UVRAG: variants seen among roughly 807,000 people sequenced by gnomAD.
UVRAG encodes UV radiation resistance-associated gene protein.
A neutral mutation model predicts 78.0 loss-of-function variants in UVRAG; 19 were observed. The ratio of observed to expected loss-of-function variants is 0.24; its 90% CI spans 0.17 to 0.36. The LOEUF is 0.36. UVRAG is among the 10% of genes least tolerant of loss of function. The pLI is 1.00. For synonymous variants in UVRAG, 323 were observed against 324.6 expected, an observed-to-expected ratio of 1.00 and a Z score of 0.05; for missense variants, 740 against 853.8, an observed-to-expected ratio of 0.87 and a Z score of 1.66.
intron 14 of UVRAG, among the ~76,000 whole-genome samples, chr11:76,117,237 A>G (rs1447479322): frequency 6.6e-6 from 1 of 152,236 alleles, no homozygotes. Flanking sequence ...TTCTAACACA[A>G]TGGTAAATAA....
At position 75,983,367 on chromosome 11, in the gene UVRAG, CTG is replaced by C; in HGVS notation, c.700-17_700-16del. 1 of 1,553,170 alleles carries C rather than the reference CTG, an allele frequency of 6.4e-7. No homozygotes were observed. Among genetic ancestry groups the C allele is most frequent in the Non-Finnish European group, 8.7e-7 (1 of 1,143,048 alleles). On this transcript the variant is annotated intron_variant, in intron 7 of 14. Transcript: ENST00000356136. ...ATGACATTTATATTCATAAATATAC[CTG>C]TGATTTTATTTATTTAGAAAAAAAA...
intron 6 of UVRAG, among the ~76,000 whole-genome samples, chr11:75,931,614 C>A (rs1948242603): frequency 6.6e-6 from 1 of 152,100 alleles, no homozygotes; most frequent in African/African-American, 2.4e-5. Context: ...CCAGTCACAG[C>A]CCTTAGTAAT....
intron 3 of UVRAG, among the ~76,000 whole-genome samples, chr11:75,868,366 A>C (rs578219056): frequency 6.6e-6 from 1 of 152,340 alleles, no homozygotes; most frequent in East Asian, 1.9e-4. Context: ...TAGGCACATA[A>C]GACAGAGAGA....
At chr11:75,829,467 G>A (rs1751729228) in intron 1 of UVRAG, among the ~76,000 whole-genome samples, 1 of 152,124 alleles carries the variant, frequency 6.6e-6, no homozygotes. Context: ...CATTTTGTTT[G>A]GCTTCTTAAA....
chr11:76,125,900 T>C (rs886259205), intron 14 of UVRAG, among the ~76,000 whole-genome samples: 2 of 151,974 alleles, frequency 1.3e-5, no homozygotes, highest in South Asian at 4.2e-4. Flanking sequence ...CACTTTTCAA[T>C]AGAAATATAA....
rs1491521163 is a variant in UVRAG, at chr11:76,003,288, T to TTTTTTTTTTTTTTG, written c.827-717_827-716insTTTTTTTTTTTTTG. Among the ~76,000 whole-genome samples, 6 of 62,548 alleles carry TTTTTTTTTTTTTTG rather than the reference T, an allele frequency of 9.6e-5. 1 individual carries two copies. The highest frequency in any genetic ancestry group is 3.6e-4 in the African/African-American group (6 of 16,494). 41.0% of individuals were successfully genotyped at this position (62,548 alleles called of 152,430 possible). A position where few individuals can be genotyped will look rare whatever the true frequency, so the allele number is the denominator to read the frequency against. Reference sequence around the variant, plus strand: ...TTTTTTTTTTTTTTTTTTTTTTTTTTGGAGACAGAGTCTCGTTCTCTTGCC... The same window carrying TTTTTTTTTTTTTTG: ...TTTTTTTTTTTTTTTTTTTTTTTTTTTTTTTTTTTTTTTGGGAGACAGAGTCTCGTTCTCTTGCC... On this transcript the variant is annotated intron_variant, in intron 8 of 14. Coordinates refer to ENST00000356136, the MANE Select transcript of UVRAG (RefSeq NM_003369.4).
chr11:75,834,903 C>T lies in UVRAG; in HGVS notation c.118-16980C>T, dbSNP rs1274833283. ...ATGTTGCCCAGCCTGGTCTGGAACTCCTGGCCTCAAGATATCTTCCCTCCT... is the reference window on the plus strand; with the variant it reads ...ATGTTGCCCAGCCTGGTCTGGAACTTCTGGCCTCAAGATATCTTCCCTCCT... On this transcript the variant is annotated intron_variant, in intron 1 of 14. Transcript: ENST00000356136. Among the ~76,000 whole-genome samples, 6 of 152,172 alleles carry T rather than the reference C, an allele frequency of 3.9e-5. No homozygotes were observed. In the South Asian group the frequency reaches 8.3e-4, roughly 21 times the overall value.
rs4945030 is a variant in UVRAG at position 76,139,939 on chromosome 11, A to G, written c.1398-772A>G. ...TTGCAGACCAAGTATTGTAAAACAT[A>G]TGTGTGGCTAGCCCCATCAAAGAAT... On this transcript the variant is annotated intron_variant, in intron 14 of 14. Coordinates refer to ENST00000356136, the MANE Select transcript of UVRAG (RefSeq NM_003369.4). Among the ~76,000 whole-genome samples, 704 of 151,752 alleles carry G rather than the reference A, an allele frequency of 4.6e-3. 17 individuals carry two copies. Among genetic ancestry groups the G allele is most frequent in the Admixed American group, 0.037 (571 of 15,248 alleles).
intron 7 of UVRAG, among the ~76,000 whole-genome samples, chr11:75,972,641 C>G (rs1456288509): frequency 2.0e-5 from 3 of 152,154 alleles, no homozygotes; most frequent in Non-Finnish European, 4.4e-5. Context: ...CCCATACCAC[C>G]CTGTCTTGAT....
chr11:75,822,984 T>C (rs1384050978), intron 1 of UVRAG, among the ~76,000 whole-genome samples: 2 of 152,100 alleles, frequency 1.3e-5, no homozygotes, highest in African/African-American at 4.8e-5. Context: ...CCATTCTCCT[T>C]CTAGGAGCTC....
At chr11:76,104,512 C>T (rs1345413624) in intron 13 of UVRAG, among the ~76,000 whole-genome samples, 1 of 152,162 alleles carries the variant, frequency 6.6e-6, no homozygotes. Context: ...TAACTAATCA[C>T]TGAATAAACA....
chr11:75,968,931 G>A (rs370923214), intron 7 of UVRAG, among the ~76,000 whole-genome samples: 21 of 151,982 alleles, frequency 1.4e-4, no homozygotes, highest in East Asian at 1.9e-4. Flanking sequence ...TTGTTTCTTC[G>A]TTCCTTTTTC....
At chr11:75,894,383 C>T (rs565011112) in intron 5 of UVRAG, among the ~76,000 whole-genome samples, 2 of 151,934 alleles carry the variant, frequency 1.3e-5, no homozygotes, top group African/African-American at 2.4e-5. Flanking sequence ...GGTCTTTCCC[C>T]ACAGAGAGTG....
intron 1 of UVRAG, among the ~76,000 whole-genome samples, chr11:75,822,498 A>G (rs1945415564): frequency 6.6e-6 from 1 of 151,972 alleles, no homozygotes; most frequent in South Asian, 2.1e-4. Context: ...AAAGGCTCAG[A>G]CCCATAAAAC....
chr11:76,122,481 C>G (rs1035543138), intron 14 of UVRAG, among the ~76,000 whole-genome samples: 1 of 152,158 alleles, frequency 6.6e-6, no homozygotes, highest in African/African-American at 2.4e-5. Context: ...ATAGTGTGGT[C>G]AGAAGAATTA....
At chr11:76,003,109 T>C (rs553903246) in intron 8 of UVRAG, among the ~76,000 whole-genome samples, 1 of 151,878 alleles carries the variant, frequency 6.6e-6, no homozygotes, top group African/African-American at 2.4e-5. Context: ...TATGAGGGTA[T>C]CATTTAAAAT....
At chr11:75,959,791 T>G (rs528525848) in intron 6 of UVRAG, among the ~76,000 whole-genome samples, 6 of 152,194 alleles carry the variant, frequency 3.9e-5, no homozygotes, top group Non-Finnish European at 7.3e-5. Flanking sequence ...ATTTCTAGCT[T>G]TTGATTTAAA....
At position 75,885,943 on chromosome 11, in the gene UVRAG, G is replaced by A. The variant is rs537829276; in HGVS notation, c.433-2886G>A. On this transcript the variant is annotated intron_variant, in intron 4 of 14. Coordinates refer to ENST00000356136, the MANE Select transcript of UVRAG (RefSeq NM_003369.4). ...TACTTTCATATCTTATTATCTCACC[G>A]TTTTTATGACACTCATGCAAGGTAG... Among the ~76,000 whole-genome samples the A allele has an allele frequency of 1.6e-4, 24 of 150,918 alleles. No homozygotes were observed. In the East Asian group the frequency reaches 2.1e-3, roughly 13 times the overall value.
chr11:75,858,956 G>A (rs1946354332), intron 2 of UVRAG, among the ~76,000 whole-genome samples: 1 of 152,204 alleles, frequency 6.6e-6, no homozygotes, highest in South Asian at 2.1e-4. Context: ...GCCAAAATAT[G>A]CCACTTGAAA....
Sources: allele counts gnomAD v4.1 joint callset (sites outside exome capture counted in the v4.1 genomes callset), GRCh38; gene constraint gnomAD v4.1.1; transcripts MANE v1.5; gene names NCBI Gene and HGNC (gene_info 2026-07-23, HGNC 2026-07-21).